ATP2B4: variants seen among roughly 807,000 people sequenced by gnomAD.
The protein encoded by ATP2B4 is plasma membrane calcium-transporting ATPase 4.
ATP2B4 carries 39 observed loss-of-function variants against 110.3 expected under a neutral mutation model. The ratio of observed to expected loss-of-function variants is 0.35; its 90% CI spans 0.27 to 0.46. ATP2B4 has a LOEUF of 0.46. Among genes scored for constraint, ATP2B4 ranks in the 20% least tolerant of loss-of-function variants. The pLI is 1.00. For synonymous variants in ATP2B4, 538 were observed against 571.7 expected, an observed-to-expected ratio of 0.94 and a Z score of 0.84; for missense variants, 1,135 against 1,530.9, an observed-to-expected ratio of 0.74 and a Z score of 4.32.
chr1:203,713,708 G>A (rs1239320636), intron 14 of ATP2B4, among the ~76,000 whole-genome samples: 7 of 152,054 alleles, frequency 4.6e-5, no homozygotes, highest in Admixed American at 1.3e-4. Flanking sequence ...CAGGTGATCC[G>A]CCCACCTCGG....
chr1:203,632,032 A>T (rs1663284031), intron 1 of ATP2B4, among the ~76,000 whole-genome samples: 1 of 151,756 alleles, frequency 6.6e-6, no homozygotes, highest in Admixed American at 6.6e-5. Context: ...GAGCTCAGGC[A>T]ATCTACCTGC....
chr1:203,634,358 T>G (rs1288591442), intron 1 of ATP2B4, among the ~76,000 whole-genome samples: 1 of 152,204 alleles, frequency 6.6e-6, no homozygotes, highest in Non-Finnish European at 1.5e-5. Context: ...TACCTACCTA[T>G]TTTTAGAGAT....
At position 203,743,746 on chromosome 1, in the gene ATP2B4, T is replaced by C. The variant is rs1290577080; in HGVS notation, c.*3892T>C. The C allele has an allele frequency of 1.3e-5, 2 of 152,530 alleles. No homozygotes were observed. Among genetic ancestry groups the C allele is most frequent in the African/African-American group, 4.8e-5 (2 of 41,436 alleles). The allele number at this position is 152,530 out of a possible 1,614,324, so 9.4% of individuals were successfully genotyped here. On this transcript the variant is annotated 3_prime_UTR_variant, in exon 21 of 21. Coordinates refer to ENST00000357681, the MANE Select transcript of ATP2B4 (RefSeq NM_001684.5). ...ATTGACTATTGTGGTCTGCATGACA[T>C]AAACAAACAAATGGTGATATCAAAG...
rs1267914731 is a variant in ATP2B4, at chr1:203,723,892, G to A, written c.3036G>A (p.Val1012=). The A allele has an allele frequency of 1.9e-6, 3 of 1,605,286 alleles. No homozygotes were observed. Among genetic ancestry groups the A allele is most frequent in the Non-Finnish European group, 2.6e-6 (3 of 1,176,462 alleles). ...LGTFICQIFI[V]EFGGKPFSCT... is the part of the protein sequence containing the mutation. ...TTTCTCTGTTCTAGATTTTCATCGT[G>A]GAATTTGGGGGTAAACCCTTCAGTT... The change falls in exon 19 of 21, where the codon GTG becomes GTA. Residue 1012 remains valine, a synonymous_variant. Transcript: ENST00000357681.
At chr1:203,657,845 C>T (rs953346811) in intron 1 of ATP2B4, 8 of 428,624 alleles carry the variant, frequency 1.9e-5, no homozygotes, top group East Asian at 8.6e-5. Flanking sequence ...CCACGCAGGC[C>T]GGGACAGGAA....
chr1:203,653,039 A>G (rs980304672), intron 1 of ATP2B4, among the ~76,000 whole-genome samples: 1 of 152,230 alleles, frequency 6.6e-6, no homozygotes, highest in Non-Finnish European at 1.5e-5. Context: ...CTCTTGTACC[A>G]GTTAGCCAAG....
rs1225543190 is a variant in ATP2B4, at chr1:203,721,138, G to A, written c.2599-59G>A. On this transcript the variant is annotated intron_variant, in intron 16 of 20. Transcript: ENST00000357681. ...GGTCGTGGGAGCTGGGCCATCGACAGGGCAAAGGTGGGCTGGTTTCAGAGA... is the reference window on the plus strand; with the variant it reads ...GGTCGTGGGAGCTGGGCCATCGACAAGGCAAAGGTGGGCTGGTTTCAGAGA... 1.9e-6 allele frequency: 3 copies of A among 1,582,020 alleles called. No homozygotes were observed. The Admixed American group carries it at 5.1e-5, about 27-fold the overall frequency.
At chr1:203,658,001 A>AT (rs1215079701) in intron 1 of ATP2B4, among the ~76,000 whole-genome samples, 1 of 152,176 alleles carries the variant, frequency 6.6e-6, no homozygotes, top group Non-Finnish European at 1.5e-5. Context: ...ACGGCCGATC[A>AT]TTAGCATTTT....
In ATP2B4 at chr1:203,700,995, T is replaced by C. The variant is rs147061007; in HGVS notation, c.901+72T>C. ...ACAAACAAGGAAGCGAGGGAGCAGA[T>C]CTGGATAGAAAGCATGGTTGGAAGA... On this transcript the variant is annotated intron_variant, in intron 6 of 20. Transcript: ENST00000357681. The C allele has an allele frequency of 9.3e-5, 143 of 1,533,434 alleles. 1 individual carries two copies. The African/African-American group carries it at 1.8e-3, about 19-fold the overall frequency. The allele number at this position is 1,533,434 out of a possible 1,614,324, so 95.0% of individuals were successfully genotyped here.
chr1:203,708,736 T>A (rs921569858), intron 10 of ATP2B4, among the ~76,000 whole-genome samples: 3 of 152,094 alleles, frequency 2.0e-5, no homozygotes, highest in African/African-American at 7.2e-5. Flanking sequence ...GCACCTGTAG[T>A]CCCAGCTACT....
chr1:203,697,000 C>T (rs1002707216), intron 2 of ATP2B4, among the ~76,000 whole-genome samples: 1 of 152,186 alleles, frequency 6.6e-6, no homozygotes, highest in African/African-American at 2.4e-5. Context: ...TGCGTGGCAT[C>T]TGAAAACTTT....
intron 13 of ATP2B4, 21 bp downstream of exon 13, chr1:203,712,160 A>G: frequency 3.1e-6 from 5 of 1,610,560 alleles, no homozygotes; most frequent in South Asian, 1.1e-5. Flanking sequence ...GCTAGGGGGA[A>G]CCAGGACCTC....
intron 1 of ATP2B4, among the ~76,000 whole-genome samples, chr1:203,637,362 G>C (rs1970962): frequency 0.69 from 103,458 of 150,338 alleles, 35,874 homozygotes; most frequent in Non-Finnish European, 0.73. Context: ...ACCCCCGGGG[G>C]GGGGCGGAGC....
Position 203,683,103 on chromosome 1 carries a change from C to A in ATP2B4, c.-103C>A, listed in dbSNP as rs1249470846. On this transcript the variant is annotated 5_prime_UTR_variant, in exon 2 of 21. Coordinates refer to ENST00000357681, the MANE Select transcript of ATP2B4 (RefSeq NM_001684.5). ...TTCCCTCACTGGGCCCCCAGAGAAG[C>A]AAGAAGTAGGAAGAAGTTGAGACAG... 2 of 1,364,506 alleles carry A rather than the reference C, an allele frequency of 1.5e-6. No individual in the cohort carries two copies. The highest frequency in any genetic ancestry group is 2.9e-5 in the African/African-American group (2 of 69,020). 84.5% of individuals were successfully genotyped at this position (1,364,506 alleles called of 1,614,324 possible).
At chr1:203,676,704 G>A (rs1045366230) in intron 1 of ATP2B4, among the ~76,000 whole-genome samples, 2 of 152,074 alleles carry the variant, frequency 1.3e-5, no homozygotes, top group African/African-American at 2.4e-5. Context: ...AGCATGAGAC[G>A]ACTGAGTGGA....
intron 6 of ATP2B4, 125 bp from the exon 7 acceptor site, chr1:203,701,919 G>C: frequency 1.1e-6 from 1 of 891,066 alleles, no homozygotes; most frequent in Non-Finnish European, 1.7e-6. Context: ...TTACATTTAT[G>C]TCCCTTCCCT....
intron 2 of ATP2B4, among the ~76,000 whole-genome samples, chr1:203,694,040 G>A (rs1665462420): frequency 6.6e-6 from 1 of 152,178 alleles, no homozygotes; most frequent in South Asian, 2.1e-4. Context: ...CCCCTGCCAG[G>A]CCTTAGTTTG....
At position 203,735,042 on chromosome 1, in the gene ATP2B4, A is replaced by G. The variant is rs116385204; in HGVS notation, c.3310-4504A>G. Among the ~76,000 whole-genome samples, 756 of 151,498 alleles carry G rather than the reference A, an allele frequency of 5.0e-3. 5 individuals carry two copies. The highest frequency in any genetic ancestry group is 0.017 in the African/African-American group (708 of 41,270). On this transcript the variant is annotated intron_variant, in intron 20 of 20. Coordinates refer to ENST00000357681, the MANE Select transcript of ATP2B4 (RefSeq NM_001684.5). ...AAAAAAAAACGAAGAAAAAAAATCA[A>G]TTAGTTCACATGAAGGTACGAGAAA...
At chr1:203,723,457 T>TCTCCCCCC (rs1666406338) in intron 18 of ATP2B4, among the ~76,000 whole-genome samples, 2 of 113,502 alleles carry the variant, frequency 1.8e-5, no homozygotes, top group African/African-American at 7.7e-5. Context: ...TCTCTCTCTC[T>TCTCCCCCC]CTCCCTCTGC....
Sources: allele counts gnomAD v4.1 joint callset (sites outside exome capture counted in the v4.1 genomes callset), GRCh38; gene constraint gnomAD v4.1.1; transcripts MANE v1.5; gene names NCBI Gene and HGNC (gene_info 2026-07-23, HGNC 2026-07-21).